The following RIMBP2 variants were observed in gnomAD, a reference collection of about 807,000 sequenced individuals.
The protein encoded by RIMBP2 is RIMS-binding protein 2.
RIMBP2 carries 48 observed loss-of-function variants against 118.6 expected under a neutral mutation model. That is an observed-to-expected ratio of 0.40 (90% CI 0.32 to 0.51). RIMBP2 has a LOEUF of 0.51. RIMBP2 is among the 20% of genes least tolerant of loss of function. The probability of loss-of-function intolerance (pLI) is 0.41; values close to 1 mark genes in which losing one functional copy is unlikely to be tolerated. For synonymous variants in RIMBP2, 762 were observed against 742.9 expected, an observed-to-expected ratio of 1.03 and a Z score of -0.42; for missense variants, 1,551 against 1,768.3, an observed-to-expected ratio of 0.88 and a Z score of 2.20.
intron 21 of RIMBP2, among the ~76,000 whole-genome samples, chr12:130,404,794 CTT>C (rs1443344606): frequency 1.3e-4 from 20 of 152,042 alleles, no homozygotes; most frequent in Non-Finnish European, 2.8e-4. Flanking sequence ...AGGTGGGACT[CTT>C]TACAAAATGT....
rs73150890 is a variant in RIMBP2, at chr12:130,419,365, C to T, written c.3238+3088G>A. 0.05 allele frequency among the ~76,000 whole-genome samples: 7,615 copies of T among 152,196 alleles called. 260 individuals carry two copies. Among genetic ancestry groups the T allele is most frequent in the Middle Eastern group, 0.099 (29 of 292 alleles). On this transcript the variant is annotated intron_variant, in intron 17 of 22. Coordinates refer to ENST00000690449, the MANE Select transcript of RIMBP2 (RefSeq NM_001393629.1). The surrounding 1 kb of genome is among the most constrained non-coding windows in gnomAD (Gnocchi z 4.3). ...TGGGAGATCAGGGCTCATGCCTGGA[C>T]GCCTGGGTGGGCTCCCAAATCCACT...
chr12:130,644,292 C>A (rs1566419480), intron 1 of RIMBP2, among the ~76,000 whole-genome samples: 1 of 152,202 alleles, frequency 6.6e-6, no homozygotes, highest in Non-Finnish European at 1.5e-5. Flanking sequence ...CCACGTCCTG[C>A]CCCGTGGTTT....
intron 19 of RIMBP2, among the ~76,000 whole-genome samples, chr12:130,409,155 G>A (rs981523102): frequency 2.6e-5 from 4 of 152,026 alleles, no homozygotes; most frequent in African/African-American, 4.8e-5. Flanking sequence ...TCTTCCCAGC[G>A]TGCAGTACTT....
chr12:130,433,879 G>A (rs1270186902), intron 14 of RIMBP2, among the ~76,000 whole-genome samples: 1 of 152,190 alleles, frequency 6.6e-6, no homozygotes, highest in Middle Eastern at 3.2e-3. Context: ...GTGATGTGGG[G>A]TAATTAAACG....
At chr12:130,521,548 A>G (rs1452031557) in intron 2 of RIMBP2, among the ~76,000 whole-genome samples, 1 of 152,212 alleles carries the variant, frequency 6.6e-6, no homozygotes, top group Non-Finnish European at 1.5e-5. Flanking sequence ...CCACACCACA[A>G]TGTAACTGAC....
intron 2 of RIMBP2, among the ~76,000 whole-genome samples, chr12:130,524,880 C>T (rs1247597104): frequency 6.6e-6 from 1 of 152,108 alleles, no homozygotes; most frequent in East Asian, 1.9e-4. Flanking sequence ...CTTGGGGCTG[C>T]AGAGGCAGGG....
At position 130,581,612 on chromosome 12, in the gene RIMBP2, C is replaced by T. The variant is rs1044615693; in HGVS notation, c.-217+46710G>A. Among the ~76,000 whole-genome samples the T allele has an allele frequency of 6.6e-6, 1 of 152,216 alleles. No homozygotes were observed. Among genetic ancestry groups the T allele is most frequent in the African/African-American group, 2.4e-5 (1 of 41,464 alleles). On this transcript the variant is annotated intron_variant, in intron 2 of 22. Transcript: ENST00000690449. The surrounding 1 kb of genome is among the most constrained non-coding windows in gnomAD (Gnocchi z 4.4). ...CTCGCGGCTCAGGCCTCAGACCTGT[C>T]GCCTTCCTTCCTCTGTTCTCTTTGT... is the stretch of plus-strand genomic sequence containing the variant.
At chr12:130,704,622 G>C (rs1217830532) in intron 1 of RIMBP2, among the ~76,000 whole-genome samples, 1 of 152,112 alleles carries the variant, frequency 6.6e-6, no homozygotes, top group Non-Finnish European at 1.5e-5. Flanking sequence ...CTAAAGGGAA[G>C]TTTTTAAATC....
intron 2 of RIMBP2, among the ~76,000 whole-genome samples, chr12:130,520,501 A>AG (rs1360727924): frequency 3.3e-5 from 5 of 150,090 alleles, no homozygotes; most frequent in Admixed American, 2.7e-4. Flanking sequence ...GCCTCTACTA[A>AG]AAACACACAC....
chr12:130,643,392 C>G (rs2062710040), intron 1 of RIMBP2, among the ~76,000 whole-genome samples: 1 of 152,132 alleles, frequency 6.6e-6, no homozygotes, highest in Admixed American at 6.5e-5. Flanking sequence ...AGGCGGAGCC[C>G]AAACCTCCTG....
rs557977489 is a variant in RIMBP2 at position 130,630,621 on chromosome 12, G to T, written c.-351-2165C>A. On this transcript the variant is annotated intron_variant, in intron 1 of 22. Coordinates refer to ENST00000690449, the MANE Select transcript of RIMBP2 (RefSeq NM_001393629.1). ...ACAGATGAGAACAGACCTAAGCAAA[G>T]AGTACCATGAGATTCAAGAAGGTGA... 1.8e-4 allele frequency among the ~76,000 whole-genome samples: 27 copies of T among 152,204 alleles called. No individual in the cohort carries two copies. In the East Asian group the frequency reaches 4.8e-3, roughly 27 times the overall value.
intron 14 of RIMBP2, among the ~76,000 whole-genome samples, chr12:130,433,560 G>A (rs1461212986): frequency 6.6e-6 from 1 of 152,192 alleles, no homozygotes. Context: ...GAGCCTTCCT[G>A]GTGGGCTTTC....
intron 2 of RIMBP2, among the ~76,000 whole-genome samples, chr12:130,618,983 A>G (rs2061133719): frequency 6.6e-6 from 1 of 152,228 alleles, no homozygotes; most frequent in African/African-American, 2.4e-5. Flanking sequence ...GCCAGAAGTT[A>G]GTTAACAGCT....
chr12:130,572,349 A>T (rs919055810), intron 2 of RIMBP2, among the ~76,000 whole-genome samples: 1 of 152,134 alleles, frequency 6.6e-6, no homozygotes, highest in Non-Finnish European at 1.5e-5. Flanking sequence ...CCAAACATGG[A>T]ATCACCCCCG....
intron 2 of RIMBP2, among the ~76,000 whole-genome samples, chr12:130,568,748 G>A (rs760240214): frequency 6.6e-6 from 1 of 152,152 alleles, no homozygotes; most frequent in East Asian, 1.9e-4. Flanking sequence ...TGTTTCTTAC[G>A]TAAATGATTT....
At chr12:130,410,665 C>A (rs1385689399) in intron 19 of RIMBP2, among the ~76,000 whole-genome samples, 2 of 152,140 alleles carry the variant, frequency 1.3e-5, no homozygotes, top group African/African-American at 4.8e-5. Flanking sequence ...AATCAGTGGA[C>A]TCCATATGTG....
At chr12:130,706,807 G>A (rs1034522718) in intron 1 of RIMBP2, among the ~76,000 whole-genome samples, 2 of 152,178 alleles carry the variant, frequency 1.3e-5, no homozygotes, top group Non-Finnish European at 2.9e-5. Context: ...TCTCCAAACA[G>A]ACTTATCACC....
intron 2 of RIMBP2, among the ~76,000 whole-genome samples, chr12:130,558,683 G>C (rs564840687): frequency 6.6e-6 from 1 of 152,150 alleles, no homozygotes; most frequent in South Asian, 2.1e-4. Context: ...GAGGCCAGGC[G>C]GCCCCCTTGA....
At chr12:130,518,005 A>G in intron 2 of RIMBP2, 88 bp from the exon 3 acceptor site, 1 of 349,366 alleles carries the variant, frequency 2.9e-6, no homozygotes, top group Non-Finnish European at 4.0e-6. Flanking sequence ...CAATGTGGTA[A>G]TGAGACCCAA....
Sources: allele counts gnomAD v4.1 joint callset (sites outside exome capture counted in the v4.1 genomes callset), GRCh38; gene constraint gnomAD v4.1.1; non-coding constraint Gnocchi (gnomAD v3.1); transcripts MANE v1.5; gene names NCBI Gene and HGNC (gene_info 2026-07-23, HGNC 2026-07-21).